Variants in AGBL3 observed in about 807,000 individuals in gnomAD.
The protein encoded by AGBL3 is cytosolic carboxypeptidase 3.
AGBL3 carries 68 observed loss-of-function variants against 94.5 expected under a neutral mutation model. The observed-to-expected ratio is 0.72, with a 90% CI of 0.59 to 0.88. The LOEUF (loss-of-function observed/expected upper bound fraction) is 0.88. AGBL3 is among the 40% of genes least tolerant of loss of function. The pLI, the probability that AGBL3 is intolerant of heterozygous loss-of-function variation, is 0.00. For missense variants in AGBL3, 934 were observed against 1,103.8 expected (o/e 0.85, Z 2.18); for synonymous variants, 354 against 370.7 (o/e 0.95, Z 0.52).
intron 16 of AGBL3, among the ~76,000 whole-genome samples, chr7:135,125,314 G>A (rs1299722753): frequency 6.6e-6 from 1 of 151,856 alleles, no homozygotes; most frequent in Non-Finnish European, 1.5e-5. Flanking sequence ...AGAAATTCCT[G>A]GACACACACA....
intron 11 of AGBL3, among the ~76,000 whole-genome samples, chr7:135,054,229 A>T (rs1209676801): frequency 6.6e-6 from 1 of 152,202 alleles, no homozygotes; most frequent in Non-Finnish European, 1.5e-5. Flanking sequence ...ACACAGAAAT[A>T]AAGATAAGTA....
At chr7:135,043,431 G>C (rs1367578582) in intron 8 of AGBL3, among the ~76,000 whole-genome samples, 1 of 152,054 alleles carries the variant, frequency 6.6e-6, no homozygotes, top group African/African-American at 2.4e-5. Flanking sequence ...GAGAATAGAA[G>C]GATGGTTACT....
intron 5 of AGBL3, among the ~76,000 whole-genome samples, chr7:135,026,339 A>G (rs1233059403): frequency 6.9e-6 from 1 of 145,026 alleles, no homozygotes; most frequent in Non-Finnish European, 1.5e-5. Flanking sequence ...TAGTGGCACA[A>G]TCTTGGCTCA....
chr7:135,025,702 A>C (rs1252264175), intron 5 of AGBL3, among the ~76,000 whole-genome samples: 3 of 151,608 alleles, frequency 2.0e-5, no homozygotes, highest in Non-Finnish European at 4.4e-5. Flanking sequence ...GACCCGTCTC[A>C]TATGTAGTAA....
At chr7:134,997,297 GGT>G (rs1811130282) in intron 4 of AGBL3, among the ~76,000 whole-genome samples, 1 of 152,144 alleles carries the variant, frequency 6.6e-6, no homozygotes, top group African/African-American at 2.4e-5. Context: ...TGTGTGGCCT[GGT>G]TCCTCACAGG....
chr7:135,075,239 AT>A (rs1820339233), intron 12 of AGBL3, among the ~76,000 whole-genome samples: 1 of 152,184 alleles, frequency 6.6e-6, no homozygotes, highest in Admixed American at 6.5e-5. Context: ...CCTTGCAGTT[AT>A]CCCCTGGCAA....
At chr7:135,103,857 T>A (rs1208799407) in intron 15 of AGBL3, among the ~76,000 whole-genome samples, 1 of 152,194 alleles carries the variant, frequency 6.6e-6, no homozygotes, top group Non-Finnish European at 1.5e-5. Context: ...GTTGTAATTT[T>A]CTTCAACTGC....
chr7:134,992,989 G>A (rs1810489688), intron 3 of AGBL3, among the ~76,000 whole-genome samples: 1 of 152,192 alleles, frequency 6.6e-6, no homozygotes, highest in African/African-American at 2.4e-5. Context: ...CCAGATCACT[G>A]CACAGCCTGC....
chr7:134,991,560 C>G (rs944645960), intron 3 of AGBL3, among the ~76,000 whole-genome samples: 5 of 152,144 alleles, frequency 3.3e-5, no homozygotes, highest in African/African-American at 1.2e-4. Context: ...CATGGTTGCC[C>G]TTGCCATATC....
intron 16 of AGBL3, among the ~76,000 whole-genome samples, chr7:135,118,786 T>TA (rs775323518): frequency 2.6e-5 from 4 of 151,206 alleles, no homozygotes; most frequent in Non-Finnish European, 4.4e-5. Context: ...TTGGAAGAAA[T>TA]AAAAAAATAG....
chr7:135,115,820 A>G (rs552240538), intron 16 of AGBL3: 3 of 492,624 alleles, frequency 6.1e-6, no homozygotes, highest in East Asian at 3.2e-5. Context: ...TTAATTGATT[A>G]TTTGCATGAA....
At chr7:135,043,041 G>A (rs193266591) in intron 8 of AGBL3, among the ~76,000 whole-genome samples, 1 of 152,202 alleles carries the variant, frequency 6.6e-6, no homozygotes, top group Admixed American at 6.5e-5. Context: ...ATTTCAAATG[G>A]TCTTTCATAT....
intron 8 of AGBL3, among the ~76,000 whole-genome samples, chr7:135,040,255 A>G (rs1816717609): frequency 1.3e-5 from 2 of 152,210 alleles, no homozygotes; most frequent in African/African-American, 4.8e-5. Flanking sequence ...CATTCTACCA[A>G]AAATTTAAAG....
chr7:135,003,123 G>A (rs1811934607), intron 4 of AGBL3, among the ~76,000 whole-genome samples: 1 of 151,982 alleles, frequency 6.6e-6, no homozygotes, highest in African/African-American at 2.4e-5. Flanking sequence ...TAGTGTCCAA[G>A]TGTATTTTTT....
At chr7:135,134,509 A>G (rs906373277) in intron 16 of AGBL3, among the ~76,000 whole-genome samples, 1 of 152,126 alleles carries the variant, frequency 6.6e-6, no homozygotes, top group Non-Finnish European at 1.5e-5. Context: ...AGAGCAAACA[A>G]CTACTTTACT....
chr7:135,047,918 T>C (rs1284023682), intron 11 of AGBL3, among the ~76,000 whole-genome samples: 1 of 151,970 alleles, frequency 6.6e-6, no homozygotes, highest in Non-Finnish European at 1.5e-5. Flanking sequence ...ATGCTTTTGG[T>C]GTCGTATCTA....
intron 11 of AGBL3, among the ~76,000 whole-genome samples, chr7:135,055,062 C>A (rs1818217995): frequency 6.6e-6 from 1 of 152,120 alleles, no homozygotes; most frequent in Admixed American, 6.6e-5. Context: ...CAAGGGACAT[C>A]TTTGCTTTAT....
intron 15 of AGBL3, among the ~76,000 whole-genome samples, chr7:135,089,329 A>C (rs1821586681): frequency 6.6e-6 from 1 of 152,028 alleles, no homozygotes; most frequent in South Asian, 2.1e-4. Context: ...TTTCTCATTG[A>C]ATTCTTTTTC....
chr7:135,064,947 G>A (rs1420060292), intron 12 of AGBL3, among the ~76,000 whole-genome samples: 2 of 152,042 alleles, frequency 1.3e-5, no homozygotes, highest in Non-Finnish European at 2.9e-5. Context: ...ATCCTGGAGG[G>A]TTTTTTCTCC....
Sources: gnomAD v4.1 joint callset for allele counts (sites outside exome capture counted in the v4.1 genomes callset) on GRCh38, gnomAD v4.1.1 for gene constraint, MANE v1.5 for transcripts, NCBI Gene and HGNC (gene_info 2026-07-23, HGNC 2026-07-21) for gene names.